FNIP2: variants seen among roughly 807,000 people sequenced by gnomAD.
FNIP2 encodes folliculin-interacting protein 2.
FNIP2 carries 32 observed loss-of-function variants against 108.7 expected under a neutral mutation model. The observed-to-expected ratio is 0.29, with a 90% confidence interval of 0.22 to 0.40. The LOEUF (loss-of-function observed/expected upper bound fraction) is 0.40, where lower values mean the gene tolerates loss of function less well. Ranked by LOEUF, FNIP2 falls within the 10% of genes least tolerant of loss-of-function variation. The pLI is 1.00. For synonymous variants in FNIP2, 480 were observed against 496.7 expected, an observed-to-expected ratio of 0.97 and a Z score of 0.45; for missense variants, 1,202 against 1,381.6, an observed-to-expected ratio of 0.87 and a Z score of 2.06.
intron 1 of FNIP2, among the ~76,000 whole-genome samples, chr4:158,802,729 A>C (rs1776803180): frequency 1.3e-5 from 2 of 152,340 alleles, no homozygotes; most frequent in South Asian, 4.1e-4. Flanking sequence ...TCCTGGCAGC[A>C]CTGCATCCGA....
chr4:158,815,958 CAATT>C (rs1433490792), intron 1 of FNIP2, among the ~76,000 whole-genome samples: 1 of 152,150 alleles, frequency 6.6e-6, no homozygotes, highest in African/African-American at 2.4e-5. Context: ...ATCCTGCTGA[CAATT>C]TGTTTCCAAA....
intron 1 of FNIP2, among the ~76,000 whole-genome samples, chr4:158,773,064 C>T (rs1414296179): frequency 6.6e-6 from 1 of 152,094 alleles, no homozygotes; most frequent in East Asian, 1.9e-4. Context: ...GCAAGTATTT[C>T]TAATGAGATT....
chr4:158,859,768 C>A, intron 10 of FNIP2, 102 bp downstream of exon 10: 1 of 1,004,564 alleles, frequency 1.0e-6, no homozygotes. Flanking sequence ...GGCAGTTATT[C>A]CTCACTTTTG....
chr4:158,771,903 T>G (rs928119589), intron 1 of FNIP2, among the ~76,000 whole-genome samples: 12 of 152,240 alleles, frequency 7.9e-5, no homozygotes, highest in African/African-American at 2.9e-4. Context: ...GCTGGGCTTA[T>G]GACTGTTCTC....
At chr4:158,799,859 A>C (rs1021329633) in intron 1 of FNIP2, among the ~76,000 whole-genome samples, 2 of 152,220 alleles carry the variant, frequency 1.3e-5, no homozygotes, top group African/African-American at 2.4e-5. Context: ...AATAGGTTGT[A>C]GATTGAGTTC....
At chr4:158,850,556 G>A (rs567150492) in intron 7 of FNIP2, among the ~76,000 whole-genome samples, 1 of 150,708 alleles carries the variant, frequency 6.6e-6, no homozygotes, top group South Asian at 2.1e-4. Context: ...AGGTTCAGAG[G>A]CAAATAAGTA....
chr4:158,769,273 G>A lies in FNIP2; in HGVS notation c.61G>A (p.Ala21Thr). Residue 21 changes from alanine (A) to threonine (T), a missense_variant, in exon 1 of 17, where the codon GCG (alanine) becomes ACG (threonine). Physicochemically the swap from Ala to Thr is moderately conservative, Grantham distance 58. Around this residue, in one of 5 missense-constraint regions of FNIP2, gnomAD observed 173 missense variants for 165.9 expected, o/e 1.04. Coordinates refer to ENST00000264433, the MANE Select transcript of FNIP2 (RefSeq NM_020840.3). ...NKRGSSGSSA[A>T]ASAQGRAPKE... is the part of the protein sequence containing the mutation. ...AAGGGGCAGCAGCGGCAGCTCCGCG[G>A]CGGCGTCTGCCCAGGGCAGGGCTCC... 6.5e-7 allele frequency: 1 copy of A among 1,544,288 alleles called. No homozygotes were observed. The highest frequency in any genetic ancestry group is 8.7e-7 in the Non-Finnish European group (1 of 1,149,142).
chr4:158,835,467 G>A lies in FNIP2; in HGVS notation c.718G>A (p.Ala240Thr), dbSNP rs758422197. Residue 240 changes from alanine to threonine, a missense_variant, in exon 7 of 17, where the codon GCT becomes ACT. Physicochemically the swap from Ala to Thr is moderately conservative, Grantham distance 58. Transcript: ENST00000264433. ...GAATGAAGACAGGGACAGTGGCATT[G>A]CTCGATCAGGTACTTGTACTCTGTT... ...GQNEDRDSGIARSASLSSLLI... is the reference protein window; with the variant it reads ...GQNEDRDSGITRSASLSSLLI... 1 of 1,611,910 alleles carries A rather than the reference G, an allele frequency of 6.2e-7. No homozygotes were observed. The highest frequency in any genetic ancestry group is 1.1e-5 in the South Asian group (1 of 91,036).
intron 14 of FNIP2, among the ~76,000 whole-genome samples, chr4:158,873,822 G>A (rs1438188831): frequency 2.6e-5 from 4 of 152,096 alleles, no homozygotes; most frequent in East Asian, 1.9e-4. Flanking sequence ...AAAGTAATAC[G>A]GTTTCAGTTT....
intron 14 of FNIP2, among the ~76,000 whole-genome samples, chr4:158,886,244 G>T (rs1280591636): frequency 6.6e-6 from 1 of 152,240 alleles, no homozygotes; most frequent in Non-Finnish European, 1.5e-5. Flanking sequence ...ATAAATGATT[G>T]TTTCTAACTT....
chr4:158,789,830 G>GTCCTA, intron 1 of FNIP2, among the ~76,000 whole-genome samples: 1 of 40,762 alleles, frequency 2.5e-5, no homozygotes, highest in Non-Finnish European at 6.5e-5. Flanking sequence ...GTGGTAGCCT[G>GTCCTA]GCAGTGGTGG....
chr4:158,905,365 G>T lies in FNIP2; in HGVS notation c.*821G>T, dbSNP rs1482181685. On this transcript the variant is annotated 3_prime_UTR_variant, in exon 17 of 17. Coordinates refer to ENST00000264433, the MANE Select transcript of FNIP2 (RefSeq NM_020840.3). ...GCTTTCAGCAGCCTTTTTAAGAGAG[G>T]CCACTTACCAAAGTTATTTCTATAA... The T allele has an allele frequency of 2.0e-5, 3 of 152,106 alleles. No individual in the cohort carries two copies. In the East Asian group the frequency reaches 5.8e-4, roughly 29 times the overall value. The allele number at this position is 152,106 out of a possible 1,614,324, so 9.4% of individuals were successfully genotyped here. A position where few individuals can be genotyped will look rare whatever the true frequency, so the allele number is the denominator to read the frequency against.
At chr4:158,894,985 G>A (rs1161105687) in intron 15 of FNIP2, among the ~76,000 whole-genome samples, 3 of 152,084 alleles carry the variant, frequency 2.0e-5, no homozygotes, top group Non-Finnish European at 4.4e-5. Context: ...AGGTATGATG[G>A]AATTACCCTT....
intron 1 of FNIP2, among the ~76,000 whole-genome samples, chr4:158,783,212 C>G (rs1486049505): frequency 2.0e-5 from 3 of 152,204 alleles, no homozygotes; most frequent in Non-Finnish European, 4.4e-5. Flanking sequence ...AGAATTATGT[C>G]AAGATTAGCA....
At chr4:158,808,186 C>T (rs761995186) in intron 1 of FNIP2, among the ~76,000 whole-genome samples, 2 of 152,004 alleles carry the variant, frequency 1.3e-5, no homozygotes, top group Non-Finnish European at 2.9e-5. Context: ...TTCTGTATTC[C>T]GTATTTTTGT....
Position 158,826,040 on chromosome 4 carries a change from C to A in FNIP2, c.232C>A (p.Gln78Lys). 2 of 1,605,616 alleles carry A rather than the reference C, an allele frequency of 1.2e-6. No homozygotes were observed. The highest frequency in any genetic ancestry group is 2.2e-5 in the South Asian group (2 of 90,774). Reference protein sequence around the residue: ...AVQKIEEVTAQKTEDVPIKIS... With the variant: ...AVQKIEEVTAKKTEDVPIKIS... ...TCAAAAGATTGAGGAGGTGACAGCT[C>A]AGGTATGAAATGCTGATTTGCTTTC... The change falls in exon 2 of 17, where the codon CAG becomes AAG. Residue 78 changes from glutamine to lysine, a missense_variant and splice_region_variant. By Grantham distance (53) the Gln-to-Lys change is moderately conservative. Coordinates refer to ENST00000264433, the MANE Select transcript of FNIP2 (RefSeq NM_020840.3).
intron 8 of FNIP2, among the ~76,000 whole-genome samples, chr4:158,858,128 T>G (rs1021143113): frequency 6.6e-6 from 1 of 152,070 alleles, no homozygotes; most frequent in Non-Finnish European, 1.5e-5. Flanking sequence ...GCATGAGTAA[T>G]TGTTATGTTG....
intron 1 of FNIP2, among the ~76,000 whole-genome samples, chr4:158,792,928 G>A (rs953521381): frequency 2.0e-5 from 3 of 152,196 alleles, no homozygotes; most frequent in Non-Finnish European, 4.4e-5. Flanking sequence ...GAAAGATAAA[G>A]AGGTGAAGTC....
intron 10 of FNIP2, among the ~76,000 whole-genome samples, chr4:158,860,658 T>TC (rs1780231641): frequency 6.7e-6 from 1 of 148,464 alleles, no homozygotes; most frequent in East Asian, 2.0e-4. Context: ...GTCCCACTTT[T>TC]TTTTTTTTTT....
Sources: gnomAD v4.1 joint callset for allele counts (sites outside exome capture counted in the v4.1 genomes callset) on GRCh38, gnomAD v4.1.1 for gene constraint, gnomAD v4.1.1 regional missense constraint, MANE v1.5 for transcripts, NCBI Gene and HGNC (gene_info 2026-07-23, HGNC 2026-07-21) for gene names.